The following CTNND2 variants were observed in gnomAD, a reference collection of about 807,000 sequenced individuals.
The protein encoded by CTNND2 is catenin delta-2.
A neutral mutation model predicts 144.4 loss-of-function variants in CTNND2; 22 were observed. The observed-to-expected ratio is 0.15, with a 90% CI of 0.11 to 0.22. CTNND2 has a LOEUF of 0.22. Among genes scored for constraint, CTNND2 ranks in the 10% least tolerant of loss-of-function variants. The pLI, the probability that CTNND2 is intolerant of heterozygous loss-of-function variation, is 1.00. For synonymous variants in CTNND2, 751 were observed against 695.6 expected (o/e 1.08, Z -1.25); for missense variants, 1,353 against 1,618.8 (o/e 0.84, Z 2.82).
chr5:11,721,409 C>T (rs539663995), intron 2 of CTNND2, among the ~76,000 whole-genome samples: 9 of 151,920 alleles, frequency 5.9e-5, no homozygotes, highest in South Asian at 2.1e-4. Context: ...TACATAGAAT[C>T]GTAAGACTTA....
At chr5:11,773,158 A>G (rs986277512) in intron 1 of CTNND2, among the ~76,000 whole-genome samples, 2 of 152,196 alleles carry the variant, frequency 1.3e-5, no homozygotes, top group South Asian at 2.1e-4. Context: ...CAGTGCACCT[A>G]TTTTAGGAAG....
chr5:11,249,888 G>T (rs1366794360), intron 9 of CTNND2, among the ~76,000 whole-genome samples: 1 of 151,088 alleles, frequency 6.6e-6, no homozygotes, highest in Non-Finnish European at 1.5e-5. Context: ...TATGTGTATT[G>T]CTTCACTTTG....
At chr5:11,567,214 G>A (rs551913373) in intron 2 of CTNND2, among the ~76,000 whole-genome samples, 1 of 152,094 alleles carries the variant, frequency 6.6e-6, no homozygotes, top group South Asian at 2.1e-4. Flanking sequence ...TTGGAGTGCA[G>A]TGGCACGATC....
At chr5:11,230,580 T>G (rs1740891576) in intron 10 of CTNND2, among the ~76,000 whole-genome samples, 1 of 152,128 alleles carries the variant, frequency 6.6e-6, no homozygotes, top group South Asian at 2.1e-4. Context: ...CCTGCGCCCT[T>G]TAAAGTGGGA....
At chr5:11,813,939 C>A (rs1178787035) in intron 1 of CTNND2, among the ~76,000 whole-genome samples, 1 of 151,930 alleles carries the variant, frequency 6.6e-6, no homozygotes, top group East Asian at 1.9e-4. Flanking sequence ...CCAGGTAAAT[C>A]CTGTAAGAAT....
intron 3 of CTNND2, among the ~76,000 whole-genome samples, chr5:11,438,330 C>T (rs930819046): frequency 6.6e-5 from 10 of 152,146 alleles, no homozygotes; most frequent in African/African-American, 2.4e-4. Context: ...CTTTTAAATG[C>T]TGAGGATTCA....
intron 18 of CTNND2, among the ~76,000 whole-genome samples, chr5:11,016,520 T>C (rs1741616123): frequency 6.6e-6 from 1 of 152,180 alleles, no homozygotes; most frequent in South Asian, 2.1e-4. Context: ...CCCCTTACTG[T>C]GGTCCCACGT....
chr5:11,903,075 A>G lies in CTNND2; in HGVS notation c.37+742T>C, dbSNP rs1002086822. Reference sequence around the variant, plus strand: ...ACACCAGAATAAGATGAGGGTCGGGAAAAAAAGAAAAAAGCAGCTTCGCTT... The same window carrying G: ...ACACCAGAATAAGATGAGGGTCGGGGAAAAAAGAAAAAAGCAGCTTCGCTT... On this transcript the variant is annotated intron_variant, in intron 1 of 21. Coordinates refer to ENST00000304623, the MANE Select transcript of CTNND2 (RefSeq NM_001332.4). This position sits in a 1 kb window ranked among gnomAD's most constrained non-coding sequence, Gnocchi z 5.4. 1.7e-5 allele frequency: 9 copies of G among 527,656 alleles called. No individual in the cohort carries two copies. Among genetic ancestry groups the G allele is most frequent in the African/African-American group, 1.2e-4 (6 of 48,314 alleles). The allele number at this position is 527,656 out of a possible 1,614,324, so 32.7% of individuals were successfully genotyped here.
At chr5:11,234,170 C>T (rs373751978) in intron 10 of CTNND2, among the ~76,000 whole-genome samples, 7 of 152,116 alleles carry the variant, frequency 4.6e-5, no homozygotes, top group East Asian at 3.9e-4. Flanking sequence ...TGTACACACA[C>T]GCAGAGACAG....
At chr5:11,052,137 A>G (rs1355741927) in intron 16 of CTNND2, among the ~76,000 whole-genome samples, 2 of 152,142 alleles carry the variant, frequency 1.3e-5, no homozygotes, top group African/African-American at 4.8e-5. Context: ...TCAGGAGCCA[A>G]AGGGCTGTTA....
At chr5:11,750,483 A>G (rs1293591097) in intron 1 of CTNND2, among the ~76,000 whole-genome samples, 1 of 151,886 alleles carries the variant, frequency 6.6e-6, no homozygotes, top group Non-Finnish European at 1.5e-5. Flanking sequence ...TGCCCAGCCC[A>G]TCCTGACTAA....
intron 9 of CTNND2, among the ~76,000 whole-genome samples, chr5:11,277,989 C>T (rs551128081): frequency 2.6e-5 from 4 of 152,260 alleles, no homozygotes; most frequent in Non-Finnish European, 4.4e-5. Flanking sequence ...TTTTCTGTAC[C>T]GCACAGTAGT....
intron 9 of CTNND2, among the ~76,000 whole-genome samples, chr5:11,334,808 A>G (rs771457032): frequency 6.6e-6 from 1 of 152,226 alleles, no homozygotes; most frequent in Non-Finnish European, 1.5e-5. Flanking sequence ...CTTCATCTCT[A>G]AAGAGGCCCC....
intron 2 of CTNND2, among the ~76,000 whole-genome samples, chr5:11,692,437 T>C (rs1784951842): frequency 1.3e-5 from 2 of 152,232 alleles, no homozygotes; most frequent in South Asian, 4.1e-4. Flanking sequence ...TTCTTGATAT[T>C]ACATTTCTTA....
chr5:11,695,475 G>A lies in CTNND2; in HGVS notation c.174+36661C>T, dbSNP rs149957916. ...AATCATTAAGAAGTATAAACGGAGT[G>A]CCCTACCACTTCTCTTTTCCTCGGT... On this transcript the variant is annotated intron_variant, in intron 2 of 21. Transcript: ENST00000304623. Among the ~76,000 whole-genome samples, 435 of 152,272 alleles carry A rather than the reference G, an allele frequency of 2.9e-3. 2 individuals carry two copies. Among genetic ancestry groups the A allele is most frequent in the African/African-American group, 9.5e-3 (396 of 41,556 alleles).
At chr5:11,027,428 T>A (rs1417171969) in intron 16 of CTNND2, 1 of 152,152 alleles carries the variant, frequency 6.6e-6, no homozygotes, top group Non-Finnish European at 1.5e-5. Flanking sequence ...TAGAAATGAA[T>A]CCTTGGGCCA....
At chr5:11,231,939 G>C (rs560526739) in intron 10 of CTNND2, among the ~76,000 whole-genome samples, 1 of 152,242 alleles carries the variant, frequency 6.6e-6, no homozygotes, top group Non-Finnish European at 1.5e-5. Flanking sequence ...CTGCGTCCCA[G>C]ATGCTTTGGC....
intron 3 of CTNND2, among the ~76,000 whole-genome samples, chr5:11,478,341 A>G (rs1177684108): frequency 6.6e-6 from 1 of 152,204 alleles, no homozygotes; most frequent in Non-Finnish European, 1.5e-5. Context: ...GATTGAATGT[A>G]AAAATCCTGT....
chr5:11,132,039 T>C (rs780303662), intron 12 of CTNND2, among the ~76,000 whole-genome samples: 6 of 152,194 alleles, frequency 3.9e-5, no homozygotes, highest in Admixed American at 1.3e-4. Flanking sequence ...TGAATACCAA[T>C]AACCATCATC....
Sources: allele counts gnomAD v4.1 joint callset (sites outside exome capture counted in the v4.1 genomes callset), GRCh38; gene constraint gnomAD v4.1.1; non-coding constraint Gnocchi (gnomAD v3.1); transcripts MANE v1.5; gene names NCBI Gene and HGNC (gene_info 2026-07-23, HGNC 2026-07-21).